TUBGCP5: variants seen among roughly 807,000 people sequenced by gnomAD.
TUBGCP5 encodes the protein tubulin gamma complex component 5, also known as gamma-tubulin complex component 5.
A neutral mutation model predicts 134.7 loss-of-function variants in TUBGCP5; 98 were observed. That is an observed-to-expected ratio of 0.73 (90% CI 0.62 to 0.86). The LOEUF (loss-of-function observed/expected upper bound fraction) is 0.86, where lower values mean the gene tolerates loss of function less well. TUBGCP5 is among the 40% of genes least tolerant of loss of function. The pLI is 0.00. For synonymous variants in TUBGCP5, 456 were observed against 431.4 expected (o/e 1.06, Z -0.71); for missense variants, 1,150 against 1,244.8 (o/e 0.92, Z 1.15).
At chr15:22,987,001 C>G (rs560828524) in intron 23 of TUBGCP5, among the ~76,000 whole-genome samples, 11 of 152,088 alleles carry the variant, frequency 7.2e-5, no homozygotes, top group Non-Finnish European at 1.2e-4. Flanking sequence ...GGGGCTGGCT[C>G]AGCTAGGATG....
chr15:22,989,101 T>C (rs1038518211), intron 23 of TUBGCP5, among the ~76,000 whole-genome samples: 2 of 152,072 alleles, frequency 1.3e-5, no homozygotes, highest in Non-Finnish European at 2.9e-5. Flanking sequence ...TGTGACGACA[T>C]CCCCAGATAA....
chr15:23,028,988 C>A (rs2066138996), intron 6 of TUBGCP5, among the ~76,000 whole-genome samples: 1 of 152,064 alleles, frequency 6.6e-6, no homozygotes, highest in African/African-American at 2.4e-5. Flanking sequence ...AATATTATTT[C>A]TTCTACATCA....
Position 23,010,328 on chromosome 15 carries a change from A to G in TUBGCP5, c.1956-195T>C, listed in dbSNP as rs1035777414. ...AGTTGCCACTGACTTAGGGTCAGGT[A>G]CTAGAGCTGGTCTTTCTAGTGATTA... On this transcript the variant is annotated intron_variant, in intron 14 of 22. Coordinates refer to ENST00000615383, the MANE Select transcript of TUBGCP5 (RefSeq NM_052903.6). 2.0e-5 allele frequency among the ~76,000 whole-genome samples: 3 copies of G among 152,218 alleles called. No homozygotes were observed. In the East Asian group the frequency reaches 5.8e-4, roughly 29 times the overall value.
intron 13 of TUBGCP5, among the ~76,000 whole-genome samples, chr15:23,016,962 ATT>A (rs2065355598): frequency 2.1e-5 from 3 of 143,148 alleles, no homozygotes; most frequent in Non-Finnish European, 3.0e-5. Context: ...GGGTAAAAAA[ATT>A]GTGAGATATA....
intron 7 of TUBGCP5, 110 bp downstream of exon 7, chr15:23,027,081 CA>C: frequency 1.2e-6 from 1 of 860,168 alleles, no homozygotes. Flanking sequence ...ATTGTCAAAA[CA>C]AAAACAAGTT....
rs1418934957 is a variant in TUBGCP5, at chr15:23,026,115, C to T, written c.827+1G>A. The T allele has an allele frequency of 1.2e-6, 2 of 1,604,912 alleles. No homozygotes were observed. The highest frequency in any genetic ancestry group is 1.7e-5 in the Admixed American group (1 of 57,556). The stretch of plus-strand genomic sequence containing the variant: ...CTATTAATTAAATGAACATTTCTTA[C>T]CATAGGGTTTCCCGAATAACCTGAG... On this transcript the variant is annotated splice_donor_variant, in intron 8 of 22. Transcript: ENST00000615383. LOFTEE classifies it high-confidence loss of function.
intron 5 of TUBGCP5, 119 bp from the exon 6 acceptor site, chr15:23,031,139 AAAAC>A (rs1295106783): frequency 2.0e-6 from 2 of 1,015,726 alleles, no homozygotes; most frequent in Middle Eastern, 3.1e-4. Context: ...ATGGAACAGA[AAAAC>A]AAATTTTTTT....
At chr15:23,023,426 G>A (rs1216662193) in intron 10 of TUBGCP5, 4 of 154,594 alleles carry the variant, frequency 2.6e-5, no homozygotes, top group African/African-American at 9.7e-5. Flanking sequence ...CAGCACTACT[G>A]GCAATAGCAA....
intron 23 of TUBGCP5, among the ~76,000 whole-genome samples, chr15:22,993,525 G>GTTGTTTTTT: frequency 1.4e-5 from 1 of 69,288 alleles, no homozygotes; most frequent in African/African-American, 6.0e-5. Flanking sequence ...AGCCCCCGAA[G>GTTGTTTTTT]TTTTTTTTTT....
intron 5 of TUBGCP5, among the ~76,000 whole-genome samples, chr15:23,031,660 C>T (rs2066320371): frequency 6.6e-6 from 1 of 152,072 alleles, no homozygotes; most frequent in Non-Finnish European, 1.5e-5. Flanking sequence ...CACAGGATCT[C>T]GCTATGTTGC....
intron 23 of TUBGCP5, among the ~76,000 whole-genome samples, chr15:22,992,099 G>A (rs952248848): frequency 6.6e-6 from 1 of 152,166 alleles, no homozygotes; most frequent in Non-Finnish European, 1.5e-5. Context: ...AATCTGAGAA[G>A]AATTGCAGTC....
intron 9 of TUBGCP5, 77 bp downstream of exon 9, chr15:23,024,660 T>C: frequency 1.2e-6 from 1 of 806,052 alleles, no homozygotes; most frequent in Non-Finnish European, 1.9e-6. Context: ...ATTTTAATAT[T>C]GTAAAATGTT....
At chr15:23,012,861 C>T (rs1413872894) in intron 13 of TUBGCP5, among the ~76,000 whole-genome samples, 1 of 152,118 alleles carries the variant, frequency 6.6e-6, no homozygotes, top group African/African-American at 2.4e-5. Flanking sequence ...AATCCCAGCA[C>T]TTTAAGAGGC....
chr15:22,990,248 C>T (rs2063806973), intron 23 of TUBGCP5, among the ~76,000 whole-genome samples: 1 of 146,888 alleles, frequency 6.8e-6, no homozygotes, highest in Non-Finnish European at 1.5e-5. Flanking sequence ...ACTCCTCCCC[C>T]TCCTCTTCCC....
chr15:23,004,511 C>T (rs2140422844), intron 19 of TUBGCP5: 1 of 381,768 alleles, frequency 2.6e-6, no homozygotes, highest in Non-Finnish European at 4.7e-6. Flanking sequence ...AAGGGGCAAG[C>T]ACATTAAGCT....
intron 23 of TUBGCP5, among the ~76,000 whole-genome samples, chr15:22,993,001 G>A (rs1381665934): frequency 6.6e-6 from 1 of 151,868 alleles, no homozygotes; most frequent in African/African-American, 2.4e-5. Context: ...CTCCCCATAC[G>A]GCAAATGATG....
rs955093117 is a variant in TUBGCP5, at chr15:23,008,532, A to G, written c.2327+167T>C. 4.7e-6 allele frequency: 4 copies of G among 847,550 alleles called. No individual in the cohort carries two copies. In the Admixed American group the frequency reaches 8.6e-5, roughly 18 times the overall value. 52.5% of individuals were successfully genotyped at this position (847,550 alleles called of 1,614,324 possible). A position where few individuals can be genotyped will look rare whatever the true frequency, so the allele number is the denominator to read the frequency against. On this transcript the variant is annotated intron_variant, in intron 16 of 22. Coordinates refer to ENST00000615383, the MANE Select transcript of TUBGCP5 (RefSeq NM_052903.6). Reference sequence around the variant, plus strand: ...CTCTGCCTCCCAAAGTGCTGGCATTACAGGTGTGAGCCACCGTGCCTGGCC... The same window carrying G: ...CTCTGCCTCCCAAAGTGCTGGCATTGCAGGTGTGAGCCACCGTGCCTGGCC...
chr15:23,035,500 G>A lies in TUBGCP5; in HGVS notation c.309+1397C>T, dbSNP rs1364616299. 2.6e-5 allele frequency among the ~76,000 whole-genome samples: 4 copies of A among 151,952 alleles called. No homozygotes were observed. In the East Asian group the frequency reaches 7.7e-4, roughly 29 times the overall value. On this transcript the variant is annotated intron_variant, in intron 3 of 22. Transcript: ENST00000615383. Reference sequence around the variant, plus strand: ...ACCTCAGATCATTAGGCATTAGATTGTCATAAGGAGCATGCAACCTAGATC... The same window carrying A: ...ACCTCAGATCATTAGGCATTAGATTATCATAAGGAGCATGCAACCTAGATC...
chr15:23,039,381 C>A lies in TUBGCP5; in HGVS notation c.146+17G>T. 7.0e-7 allele frequency: 1 copy of A among 1,421,538 alleles called. No individual in the cohort carries two copies. Among genetic ancestry groups the A allele is most frequent in the East Asian group, 2.9e-5 (1 of 34,684 alleles). 88.1% of individuals were successfully genotyped at this position (1,421,538 alleles called of 1,614,324 possible). A position where few individuals can be genotyped will look rare whatever the true frequency, so the allele number is the denominator to read the frequency against. On this transcript the variant is annotated intron_variant, in intron 1 of 22. Coordinates refer to ENST00000615383, the MANE Select transcript of TUBGCP5 (RefSeq NM_052903.6). The stretch of plus-strand genomic sequence containing the variant: ...CGGGCTGTGGCCGGGAACCCGCCCG[C>A]GCGCCGTGCCCCACACCTGAAGTTG...
Sources: gnomAD v4.1 joint callset for allele counts (sites outside exome capture counted in the v4.1 genomes callset) on GRCh38, gnomAD v4.1.1 for gene constraint, MANE v1.5 for transcripts, NCBI Gene and HGNC (gene_info 2026-07-23, HGNC 2026-07-21) for gene names.